INSL3: variants seen among roughly 807,000 people sequenced by gnomAD.
The protein encoded by INSL3 is insulin-like 3.
A neutral mutation model predicts 5.5 loss-of-function variants in INSL3; 6 were observed. The ratio of observed to expected loss-of-function variants is 1.08; its 90% CI spans 0.59 to 2.14. The LOEUF (loss-of-function observed/expected upper bound fraction) is 2.14, where lower values mean the gene tolerates loss of function less well. Among genes scored for constraint, INSL3 ranks in the 30% most tolerant of loss-of-function variants. The pLI is 0.00. For missense variants in INSL3, 178 were observed against 184.7 expected, an observed-to-expected ratio of 0.96 and a Z score of 0.21; for synonymous variants, 86 against 82.1, an observed-to-expected ratio of 1.05 and a Z score of -0.26.
At position 17,821,416 on chromosome 19, in the gene INSL3, C is replaced by T; in HGVS notation, c.91G>A (p.Glu31Lys). Reference protein sequence around the residue: ...LGPAPTPEMREKLCGHHFVRA... With the variant: ...LGPAPTPEMRKKLCGHHFVRA... ...ACGAAGTGGTGGCCGCACAACTTCT[C>T]ACGCATCTCTGGGGTGGGCGCGGGG... Residue 31 changes from glutamate (E) to lysine (K), a missense_variant, in exon 1 of 2, where the codon GAG becomes AAG. Coordinates refer to ENST00000317306, the MANE Select transcript of INSL3 (RefSeq NM_005543.4). The T allele has an allele frequency of 6.5e-7, 1 of 1,547,848 alleles. No individual in the cohort carries two copies. The highest frequency in any genetic ancestry group is 8.7e-7 in the Non-Finnish European group (1 of 1,145,348).
At position 17,816,524 on chromosome 19, in the gene INSL3, C is replaced by T. The variant is rs898689570; in HGVS notation, c.*330G>A. On this transcript the variant is annotated 3_prime_UTR_variant, in exon 2 of 2. Coordinates refer to ENST00000317306, the MANE Select transcript of INSL3 (RefSeq NM_005543.4). ...GAAAATGCAGGAAGCTGCTTTGGGT[C>T]GTTTATTTACTAAGAGACAGCAAGA... 5.2e-6 allele frequency: 2 copies of T among 384,224 alleles called. No individual in the cohort carries two copies. The highest frequency in any genetic ancestry group is 9.8e-6 in the Non-Finnish European group (2 of 204,112). 23.8% of individuals were successfully genotyped at this position (384,224 alleles called of 1,614,324 possible).
chr19:17,821,402 G>A lies in INSL3; in HGVS notation c.105C>T (p.Gly35=), dbSNP rs1217447449. 7 of 1,548,116 alleles carry A rather than the reference G, an allele frequency of 4.5e-6. No homozygotes were observed. Among genetic ancestry groups the A allele is most frequent in the Non-Finnish European group, 6.1e-6 (7 of 1,145,586 alleles). Residue 35 remains glycine, a synonymous_variant, in exon 1 of 2, where the codon GGC becomes GGT. Transcript: ENST00000317306. ...GCACTAGCGCGCGTACGAAGTGGTG[G>A]CCGCACAACTTCTCACGCATCTCTG... ...PTPEMREKLC[G]HHFVRALVRV...
In INSL3 at chr19:17,817,047, T is replaced by C; in HGVS notation, c.203A>G (p.Gln68Arg). The C allele has an allele frequency of 6.2e-7, 1 of 1,613,360 alleles. No individual in the cohort carries two copies. The highest frequency in any genetic ancestry group is 8.5e-7 in the Non-Finnish European group (1 of 1,179,856). ...PATGGDRELL[Q>R]WLERRHLLHG... ...GAGCAGATGTCGTCTCTCCAGCCACTGTAGCAACTCACCTGGGGACAGAGT... is the reference window on the plus strand; with the variant it reads ...GAGCAGATGTCGTCTCTCCAGCCACCGTAGCAACTCACCTGGGGACAGAGT... The change falls in exon 2 of 2, where the codon CAG (glutamine) becomes CGG (arginine). Residue 68 changes from glutamine to arginine, a missense_variant. Gln to Arg is a conservative substitution (Grantham distance 43, BLOSUM62 1). Coordinates refer to ENST00000317306, the MANE Select transcript of INSL3 (RefSeq NM_005543.4).
chr19:17,816,965 G>A lies in INSL3; in HGVS notation c.285C>T (p.Pro95=). ...GGTGGCGGTGATGGTGAGAGGTCTG[G>A]GGCAGGGGCTGCAGGCCAGGTCCCA... ...LTLGPGLQPL[P]QTSHHHRHHR... Residue 95 remains proline, a synonymous_variant, in exon 2 of 2, where the codon CCC becomes CCT. Transcript: ENST00000317306. 1 of 1,614,100 alleles carries A rather than the reference G, an allele frequency of 6.2e-7. No homozygotes were observed. Among genetic ancestry groups the A allele is most frequent in the Admixed American group, 1.7e-5 (1 of 60,010 alleles).
chr19:17,818,552 G>C (rs950142100), intron 1 of INSL3, among the ~76,000 whole-genome samples: 5 of 152,016 alleles, frequency 3.3e-5, no homozygotes, highest in African/African-American at 1.2e-4. Context: ...GGAAGGCAAG[G>C]CTGCAGTGAC....
intron 1 of INSL3, chr19:17,820,501 GA>G (rs752922975): frequency 3.3e-4 from 88 of 266,502 alleles, no homozygotes; most frequent in Middle Eastern, 1.4e-3. Context: ...CTACGAAAAA[GA>G]AAAAAAAATT....
At chr19:17,818,984 C>T (rs966993946) in intron 1 of INSL3, among the ~76,000 whole-genome samples, 2 of 149,954 alleles carry the variant, frequency 1.3e-5, no homozygotes, top group Non-Finnish European at 3.0e-5. Context: ...AAGTGATTCT[C>T]CTGCCTCAGC....
chr19:17,816,829 C>T lies in INSL3; in HGVS notation c.*25G>A. The T allele has an allele frequency of 6.2e-7, 1 of 1,609,762 alleles. No homozygotes were observed. The highest frequency in any genetic ancestry group is 1.7e-5 in the Admixed American group (1 of 60,016). ...ACCAGACCCTCTGGGCCTCAGGCCA[C>T]TCTGAGGCTGCACCCAAGGAGGAAT... On this transcript the variant is annotated 3_prime_UTR_variant, in exon 2 of 2. Coordinates refer to ENST00000317306, the MANE Select transcript of INSL3 (RefSeq NM_005543.4).
chr19:17,821,449 C>CG lies in INSL3; in HGVS notation c.57dup (p.Ala20ArgfsTer12). 3.2e-6 allele frequency: 5 copies of CG among 1,541,580 alleles called. No homozygotes were observed. Among genetic ancestry groups the CG allele is most frequent in the Non-Finnish European group, 4.4e-6 (5 of 1,140,958 alleles). On this transcript the variant is annotated frameshift_variant, in exon 1 of 2. Coordinates refer to ENST00000317306, the MANE Select transcript of INSL3 (RefSeq NM_005543.4). LOFTEE classifies it high-confidence loss of function. ...TCTGGGGTGGGCGCGGGGCCCAACG[C>CG]GAACACCAGGGCAGGGCCCAGCAGC...
chr19:17,816,987 C>A lies in INSL3; in HGVS notation c.263G>T (p.Gly88Val), dbSNP rs778009199. Reference sequence around the variant, plus strand: ...CTGGGGCAGGGGCTGCAGGCCAGGTCCCAGCGTGAGATTACTGTCGGCCAC... The same window carrying A: ...CTGGGGCAGGGGCTGCAGGCCAGGTACCAGCGTGAGATTACTGTCGGCCAC... ...GLVADSNLTLGPGLQPLPQTS... is the reference protein window; with the variant it reads ...GLVADSNLTLVPGLQPLPQTS... The change falls in exon 2 of 2, where the codon GGA becomes GTA. Residue 88 changes from glycine (G) to valine (V), a missense_variant. Gly to Val is a moderately radical substitution (Grantham distance 109). Coordinates refer to ENST00000317306, the MANE Select transcript of INSL3 (RefSeq NM_005543.4). 7 of 1,613,956 alleles carry A rather than the reference C, an allele frequency of 4.3e-6. No homozygotes were observed. In the African/African-American group the frequency reaches 9.3e-5, roughly 22 times the overall value.
At chr19:17,817,685 C>T (rs1348719192) in intron 1 of INSL3, among the ~76,000 whole-genome samples, 1 of 144,362 alleles carries the variant, frequency 6.9e-6, no homozygotes, top group Non-Finnish European at 1.5e-5. Flanking sequence ...ATCCCAGCTA[C>T]TGGGGAGGCT....
Position 17,821,450 on chromosome 19 carries a change from G to A in INSL3, c.57C>T (p.Phe19=), listed in dbSNP as rs1004746514. ...ALVLLGPALV[F]ALGPAPTPEM... ...CTGGGGTGGGCGCGGGGCCCAACGC[G>A]AACACCAGGGCAGGGCCCAGCAGCA... Residue 19 remains phenylalanine, a synonymous_variant, in exon 1 of 2, where the codon TTC becomes TTT. Coordinates refer to ENST00000317306, the MANE Select transcript of INSL3 (RefSeq NM_005543.4). 4 of 1,541,322 alleles carry A rather than the reference G, an allele frequency of 2.6e-6. No individual in the cohort carries two copies. Among genetic ancestry groups the A allele is most frequent in the Non-Finnish European group, 3.5e-6 (4 of 1,140,818 alleles).
At chr19:17,819,088 T>C (rs1260089803) in intron 1 of INSL3, among the ~76,000 whole-genome samples, 1 of 150,984 alleles carries the variant, frequency 6.6e-6, no homozygotes, top group Admixed American at 6.6e-5. Context: ...TTGGCCAGGC[T>C]GGTCTCACCA....
At chr19:17,821,195 C>A in intron 1 of INSL3, 122 bp downstream of exon 1, 1 of 1,152,792 alleles carries the variant, frequency 8.7e-7, no homozygotes, top group Non-Finnish European at 1.2e-6. Context: ...ACGCAGCCGG[C>A]AGGTGAGCCC....
chr19:17,821,294 T>C, intron 1 of INSL3, 23 bp downstream of exon 1: 2 of 1,543,462 alleles, frequency 1.3e-6, no homozygotes, highest in Non-Finnish European at 1.7e-6. Context: ...CCCAGAGCGC[T>C]GTCCCTGCCC....
intron 1 of INSL3, 168 bp from the exon 2 acceptor site, chr19:17,817,227 C>T: frequency 2.7e-6 from 2 of 749,438 alleles, no homozygotes; most frequent in South Asian, 3.0e-5. Context: ...CCTGTAATCC[C>T]AGCACTTTGG....
intron 1 of INSL3, among the ~76,000 whole-genome samples, chr19:17,817,795 C>A (rs867621278): frequency 7.5e-3 from 299 of 39,932 alleles, no homozygotes; most frequent in Middle Eastern, 0.026. Flanking sequence ...AACTCCATCT[C>A]AAAAAAAAAA....
At chr19:17,819,262 T>A (rs978433137) in intron 1 of INSL3, among the ~76,000 whole-genome samples, 3 of 149,706 alleles carry the variant, frequency 2.0e-5, no homozygotes, top group Non-Finnish European at 4.4e-5. Context: ...AATAATAATA[T>A]TAATATTTTT....
chr19:17,821,213 A>G (rs2094195046), intron 1 of INSL3, 104 bp downstream of exon 1: 8 of 1,305,024 alleles, frequency 6.1e-6, no homozygotes, highest in Non-Finnish European at 8.5e-6. Flanking sequence ...CCCTGGGCAC[A>G]TGCATGCAAA....
Sources: allele counts gnomAD v4.1 joint callset (sites outside exome capture counted in the v4.1 genomes callset), GRCh38; gene constraint gnomAD v4.1.1; transcripts MANE v1.5; gene names NCBI Gene and HGNC (gene_info 2026-07-23, HGNC 2026-07-21).